Variants in IQCE observed in about 807,000 individuals in gnomAD.
IQCE encodes IQ domain-containing protein E.
IQCE carries 115 observed loss-of-function variants against 96.0 expected under a neutral mutation model. The observed-to-expected ratio is 1.20, with a 90% CI of 1.03 to 1.40. The LOEUF (loss-of-function observed/expected upper bound fraction) is 1.40. Ranked by LOEUF, IQCE falls within the 40% of genes most tolerant of loss-of-function variation. The pLI is 0.00. For missense variants in IQCE, 1,041 were observed against 909.1 expected (o/e 1.15, Z -1.87); for synonymous variants, 412 against 371.2 (o/e 1.11, Z -1.26).
At chr7:2,565,793 TA>T (rs1377869161) in intron 1 of IQCE, among the ~76,000 whole-genome samples, 7 of 152,220 alleles carry the variant, frequency 4.6e-5, no homozygotes, top group African/African-American at 1.7e-4. Flanking sequence ...ATAGGTGATA[TA>T]AAAAATGATA....
At chr7:2,580,683 G>A (rs1007990631) in intron 8 of IQCE, among the ~76,000 whole-genome samples, 12 of 152,124 alleles carry the variant, frequency 7.9e-5, no homozygotes, top group Admixed American at 3.9e-4. Context: ...ATTCACAGGC[G>A]CCAGCAGGGA....
chr7:2,602,388 G>A (rs1784494133), intron 18 of IQCE, among the ~76,000 whole-genome samples: 1 of 152,190 alleles, frequency 6.6e-6, no homozygotes, highest in South Asian at 2.1e-4. Context: ...TTTTGCTGGA[G>A]TCCTGGTGGC....
chr7:2,579,041 C>CAA (rs759979729), intron 8 of IQCE, among the ~76,000 whole-genome samples: 6 of 113,706 alleles, frequency 5.3e-5, no homozygotes, highest in African/African-American at 9.8e-5. Flanking sequence ...CCTGGGTGAC[C>CAA]AAAAAAAAAA....
At chr7:2,573,379 GTAGA>G in intron 5 of IQCE, 35 bp from the exon 6 acceptor site, 1 of 941,106 alleles carries the variant, frequency 1.1e-6, no homozygotes, top group African/African-American at 1.6e-5. Context: ...TTTCTACTTT[GTAGA>G]TAGTCTTTGA....
intron 6 of IQCE, among the ~76,000 whole-genome samples, chr7:2,575,669 G>T (rs535079102): frequency 2.6e-5 from 4 of 152,282 alleles, no homozygotes; most frequent in South Asian, 4.1e-4. Context: ...CCTGCCTGTC[G>T]GTTTCTGCCT....
intron 6 of IQCE, among the ~76,000 whole-genome samples, chr7:2,578,037 G>A (rs1314919013): frequency 4.0e-4 from 59 of 148,096 alleles, no homozygotes; most frequent in Non-Finnish European, 3.1e-4. Flanking sequence ...CGTGTGTGCG[G>A]CGTGTGCGCA....
intron 3 of IQCE, among the ~76,000 whole-genome samples, chr7:2,570,769 C>T (rs12700072): frequency 0.36 from 54,855 of 151,970 alleles, 10,629 homozygotes; most frequent in Non-Finnish European, 0.44. Context: ...TACTTTCATA[C>T]AAAATCAAGA....
intron 1 of IQCE, among the ~76,000 whole-genome samples, chr7:2,561,012 C>A (rs1049626784): frequency 4.6e-5 from 7 of 150,902 alleles, no homozygotes; most frequent in Non-Finnish European, 7.4e-5. Context: ...GGCTGGAGTG[C>A]AATGATGCCA....
chr7:2,562,235 T>G (rs59897342), intron 1 of IQCE, among the ~76,000 whole-genome samples: 6,802 of 149,856 alleles, frequency 0.045, 542 homozygotes, highest in African/African-American at 0.16. Context: ...GGTCTTGGGG[T>G]GTGTGTGTGT....
In IQCE at chr7:2,607,157, T is replaced by A; in HGVS notation, c.1899T>A (p.Ser633=). The change falls in exon 21 of 22, where the codon TCT becomes TCA. Residue 633 remains serine, a synonymous_variant. Transcript: ENST00000402050. ...ATGKRTTTAA[S]TRRRSASATH... is the part of the protein sequence containing the mutation. Reference sequence around the variant, plus strand: ...GTAAAAGAACCACCACCGCAGCTTCTACCAGGAGGAGATCGGCTTCAGCCA... The same window carrying A: ...GTAAAAGAACCACCACCGCAGCTTCAACCAGGAGGAGATCGGCTTCAGCCA... 6.2e-7 allele frequency: 1 copy of A among 1,609,570 alleles called. No homozygotes were observed. Among genetic ancestry groups the A allele is most frequent in the Non-Finnish European group, 8.5e-7 (1 of 1,178,338 alleles).
At chr7:2,601,364 C>T (rs1784418064) in intron 17 of IQCE, 77 bp from the exon 18 acceptor site, 1 of 1,003,200 alleles carries the variant, frequency 1.0e-6, no homozygotes, top group Non-Finnish European at 1.5e-6. Flanking sequence ...CACCTGTTGG[C>T]AAGATGAAGG....
chr7:2,582,685 C>G (rs753396877), intron 9 of IQCE, 35 bp downstream of exon 9: 2 of 1,589,120 alleles, frequency 1.3e-6, no homozygotes, highest in Non-Finnish European at 1.7e-6. Flanking sequence ...CCCTGCCTTC[C>G]GCCCCGTGTT....
At chr7:2,577,892 G>A (rs532031459) in intron 6 of IQCE, among the ~76,000 whole-genome samples, 1 of 132,360 alleles carries the variant, frequency 7.6e-6, no homozygotes, top group Admixed American at 7.4e-5. Context: ...CGGCGTGCCC[G>A]CAGTGTCGTG....
At chr7:2,585,628 C>T (rs1335544892) in intron 11 of IQCE, among the ~76,000 whole-genome samples, 1 of 152,248 alleles carries the variant, frequency 6.6e-6, no homozygotes, top group Non-Finnish European at 1.5e-5. Flanking sequence ...CCACAGAAAG[C>T]ACACTTGTTT....
rs572372922 is a variant in IQCE at position 2,601,856 on chromosome 7, T to C, written c.1632+392T>C. On this transcript the variant is annotated intron_variant, in intron 18 of 21. Coordinates refer to ENST00000402050, the MANE Select transcript of IQCE (RefSeq NM_152558.5). ...TGAGCCACCGCGCCCGGCAAGTCCT[T>C]CTTTTCATGAAACCAAACCAGACCC... 466 of 209,246 alleles carry C rather than the reference T, an allele frequency of 2.2e-3. 1 individual carries two copies. Among genetic ancestry groups the C allele is most frequent in the African/African-American group, 0.01 (433 of 42,294 alleles). 13.0% of individuals were successfully genotyped at this position (209,246 alleles called of 1,614,324 possible). A position where few individuals can be genotyped will look rare whatever the true frequency, so the allele number is the denominator to read the frequency against.
chr7:2,584,352 T>C lies in IQCE; in HGVS notation c.824+67T>C, dbSNP rs957708411. The C allele has an allele frequency of 5.8e-5, 85 of 1,455,760 alleles. 1 individual carries two copies. Among genetic ancestry groups the C allele is most frequent in the Non-Finnish European group, 1.3e-5 (13 of 1,035,800 alleles). The allele number at this position is 1,455,760 out of a possible 1,614,324, so 90.2% of individuals were successfully genotyped here. ...CACGTTGTGGAAGCTCCTCTGAGAA[T>C]GTGTGGCTGTCACGTGGGTGCGGCA... On this transcript the variant is annotated intron_variant, in intron 11 of 21. Coordinates refer to ENST00000402050, the MANE Select transcript of IQCE (RefSeq NM_152558.5).
chr7:2,599,647 C>A (rs995334885), intron 17 of IQCE, among the ~76,000 whole-genome samples: 1 of 152,054 alleles, frequency 6.6e-6, no homozygotes, highest in African/African-American at 2.4e-5. Flanking sequence ...CAGGCAGGCA[C>A]CACCACACCT....
chr7:2,598,295 C>T (rs917012825), intron 16 of IQCE, 170 bp from the exon 17 acceptor site: 10 of 589,876 alleles, frequency 1.7e-5, no homozygotes, highest in Middle Eastern at 2.8e-4. Flanking sequence ...TACAAGAGAC[C>T]GCTGTCATGT....
At chr7:2,602,240 G>C (rs1353473490) in intron 18 of IQCE, among the ~76,000 whole-genome samples, 1 of 152,244 alleles carries the variant, frequency 6.6e-6, no homozygotes, top group Non-Finnish European at 1.5e-5. Context: ...GTGGGACAAG[G>C]AGTCTGAGAC....
Sources: gnomAD v4.1 joint callset for allele counts (sites outside exome capture counted in the v4.1 genomes callset) on GRCh38, gnomAD v4.1.1 for gene constraint, MANE v1.5 for transcripts, NCBI Gene and HGNC (gene_info 2026-07-23, HGNC 2026-07-21) for gene names.